The following ROS1 variants were observed in gnomAD, a reference collection of about 807,000 sequenced individuals.
ROS1 encodes proto-oncogene tyrosine-protein kinase ROS.
In ROS1, 263 loss-of-function variants were observed where a neutral mutation model predicts 273.5. The ratio of observed to expected loss-of-function variants is 0.96; its 90% CI spans 0.87 to 1.06. The LOEUF (loss-of-function observed/expected upper bound fraction) is 1.06. ROS1 is among the 50% of genes least tolerant of loss of function. The pLI is 0.00. For synonymous variants in ROS1, 1,008 were observed against 954.1 expected (o/e 1.06, Z -1.04); for missense variants, 2,833 against 2,751.1 (o/e 1.03, Z -0.67).
At chr6:117,419,577 C>T (rs1484658180) in intron 1 of ROS1, among the ~76,000 whole-genome samples, 3 of 152,102 alleles carry the variant, frequency 2.0e-5, no homozygotes, top group African/African-American at 7.2e-5. Context: ...AATTTTGCAA[C>T]CGAGTGCTTA....
At chr6:117,300,845 A>G in intron 43 of ROS1, 129 bp downstream of exon 43, 1 of 580,222 alleles carries the variant, frequency 1.7e-6, no homozygotes, top group Non-Finnish European at 2.8e-6. Flanking sequence ...ACACTTAATT[A>G]TGATGACAAA....
At chr6:117,383,655 T>A (rs1772340171) in intron 16 of ROS1, 147 bp from the exon 17 acceptor site, 1 of 674,516 alleles carries the variant, frequency 1.5e-6, no homozygotes, top group South Asian at 1.9e-5. Flanking sequence ...CTGGGTAGTG[T>A]AATAAGCCTT....
intron 32 of ROS1, among the ~76,000 whole-genome samples, chr6:117,335,508 T>A (rs1396106357): frequency 6.6e-6 from 1 of 152,176 alleles, no homozygotes; most frequent in Non-Finnish European, 1.5e-5. Context: ...CAAAGGAGTA[T>A]AAATCACTCT....
chr6:117,383,530 C>G (rs1400896362), intron 16 of ROS1, 22 bp from the exon 17 acceptor site: 1 of 1,557,986 alleles, frequency 6.4e-7, no homozygotes, highest in Admixed American at 1.7e-5. Context: ...AATTGTATGG[C>G]CAGTTAATGG....
chr6:117,329,301 T>C lies in ROS1; in HGVS notation c.5348+28A>G, dbSNP rs922673906. On this transcript the variant is annotated intron_variant, in intron 33 of 43. Transcript: ENST00000368507. Reference sequence around the variant, plus strand: ...TAATTATCTTCTTAGTTCTTTGTCATTTACAAGTACTTTGCAAACACACAT... The same window carrying C: ...TAATTATCTTCTTAGTTCTTTGTCACTTACAAGTACTTTGCAAACACACAT... 4.9e-6 allele frequency: 5 copies of C among 1,011,570 alleles called. No homozygotes were observed. In the African/African-American group the frequency reaches 6.5e-5, roughly 13 times the overall value. The allele number at this position is 1,011,570 out of a possible 1,614,324, so 62.7% of individuals were successfully genotyped here. A position where few individuals can be genotyped will look rare whatever the true frequency, so the allele number is the denominator to read the frequency against.
At chr6:117,379,781 A>G (rs1771965258) in intron 17 of ROS1, among the ~76,000 whole-genome samples, 2 of 152,066 alleles carry the variant, frequency 1.3e-5, no homozygotes, top group African/African-American at 4.8e-5. Flanking sequence ...AACCATTTTG[A>G]ATTGTATTTT....
At chr6:117,333,754 T>C (rs1005142109) in intron 32 of ROS1, among the ~76,000 whole-genome samples, 2 of 152,172 alleles carry the variant, frequency 1.3e-5, no homozygotes, top group African/African-American at 2.4e-5. Context: ...ATTATCTGAA[T>C]AGATGCAGAA....
chr6:117,300,968 A>T lies in ROS1; in HGVS notation c.6715+6T>A, dbSNP rs763947361. 6.5e-7 allele frequency: 1 copy of T among 1,547,056 alleles called. No individual in the cohort carries two copies. Among genetic ancestry groups the T allele is most frequent in the Non-Finnish European group, 8.7e-7 (1 of 1,152,018 alleles). ...AAACTAGAAAATTCTGAAGAATCAA[A>T]CTTACCTTCAAAGCTTTCATTTATG... On this transcript the variant is annotated splice_donor_region_variant and intron_variant, in intron 43 of 43. Coordinates refer to ENST00000368507, the MANE Select transcript of ROS1 (RefSeq NM_001378902.1).
rs570574631 is a variant in ROS1 at position 117,341,707 on chromosome 6, G to A, written c.4652-75C>T. On this transcript the variant is annotated intron_variant, in intron 29 of 43. Coordinates refer to ENST00000368507, the MANE Select transcript of ROS1 (RefSeq NM_001378902.1). The stretch of plus-strand genomic sequence containing the variant: ...GATGGAAAGAAGTAATGGAGTTTGG[G>A]TTGAAGAGTAATCATGTGGTATGAG... 4.5e-6 allele frequency: 5 copies of A among 1,104,026 alleles called. No homozygotes were observed. The East Asian group carries it at 9.7e-5, about 21-fold the overall frequency. The allele number at this position is 1,104,026 out of a possible 1,614,324, so 68.4% of individuals were successfully genotyped here.
At chr6:117,365,559 G>C (rs1486748759) in intron 20 of ROS1, 22 bp downstream of exon 20, 2 of 1,604,142 alleles carry the variant, frequency 1.2e-6, no homozygotes, top group Non-Finnish European at 1.7e-6. Flanking sequence ...GGAAATGAAA[G>C]TTACTAGAAC....
intron 29 of ROS1, among the ~76,000 whole-genome samples, chr6:117,341,931 T>C (rs1777964294): frequency 6.6e-6 from 1 of 152,138 alleles, no homozygotes; most frequent in South Asian, 2.1e-4. Flanking sequence ...GAAATAAACG[T>C]CATCACCTCA....
chr6:117,384,478 C>T (rs1366781772), intron 16 of ROS1, among the ~76,000 whole-genome samples: 4 of 152,246 alleles, frequency 2.6e-5, no homozygotes, highest in African/African-American at 9.6e-5. Flanking sequence ...ATATTCCCTA[C>T]TTTGCCTTCT....
chr6:117,409,673 G>A (rs1774743931), intron 4 of ROS1, 31 bp from the exon 5 acceptor site: 2 of 1,593,176 alleles, frequency 1.3e-6, no homozygotes, highest in Middle Eastern at 1.7e-4. Flanking sequence ...GACAGTCAGG[G>A]CAGCCTTGAT....
At chr6:117,362,957 T>A in intron 21 of ROS1, 92 bp from the exon 22 acceptor site, 1 of 1,097,970 alleles carries the variant, frequency 9.1e-7, no homozygotes, top group Non-Finnish European at 1.3e-6. Flanking sequence ...TGTAAACAAC[T>A]TAACAATATT....
intron 1 of ROS1, among the ~76,000 whole-genome samples, chr6:117,421,481 G>T (rs1775752978): frequency 1.3e-5 from 2 of 151,866 alleles, no homozygotes; most frequent in Admixed American, 1.3e-4. Context: ...CCATAGCTTA[G>T]CTACCACTTA....
At chr6:117,375,751 G>C (rs751931669) in intron 18 of ROS1, among the ~76,000 whole-genome samples, 3 of 151,998 alleles carry the variant, frequency 2.0e-5, no homozygotes, top group Non-Finnish European at 4.4e-5. Flanking sequence ...TAGATGAATA[G>C]GAGTATTTTA....
intron 40 of ROS1, among the ~76,000 whole-genome samples, chr6:117,310,586 C>A (rs1022916537): frequency 1.3e-5 from 2 of 151,984 alleles, no homozygotes; most frequent in African/African-American, 4.8e-5. Flanking sequence ...TGTTCCCCTC[C>A]CTGTGTCCAT....
chr6:117,317,353 T>C, intron 38 of ROS1, 81 bp from the exon 39 acceptor site: 2 of 1,440,428 alleles, frequency 1.4e-6, no homozygotes, highest in Non-Finnish European at 1.9e-6. Flanking sequence ...GTACAGCAAT[T>C]CTTTATCAAT....
At position 117,359,863 on chromosome 6, in the gene ROS1, A is replaced by C; in HGVS notation, c.3579T>G (p.Tyr1193Ter). Residue 1193 changes from tyrosine (Y) to a stop codon, truncating the protein, a stop_gained, in exon 24 of 44, where the codon TAT becomes TAG. Coordinates refer to ENST00000368507, the MANE Select transcript of ROS1 (RefSeq NM_001378902.1). LOFTEE classifies it high-confidence loss of function. ...GAAGAAAGAGTGAGTCCCCTTCAGC[A>C]TAATATCCCATCTCATTATCAGCTG... is the stretch of plus-strand genomic sequence containing the variant. ...CYTADNEMGY[Y>*]AEGDSLFLLH... 6.2e-7 allele frequency: 1 copy of C among 1,614,014 alleles called. No individual in the cohort carries two copies. Among genetic ancestry groups the C allele is most frequent in the Non-Finnish European group, 8.5e-7 (1 of 1,179,934 alleles).
Sources: allele counts gnomAD v4.1 joint callset (sites outside exome capture counted in the v4.1 genomes callset), GRCh38; gene constraint gnomAD v4.1.1; transcripts MANE v1.5; gene names NCBI Gene and HGNC (gene_info 2026-07-23, HGNC 2026-07-21).